The following SLC35F1 variants were observed in gnomAD, a reference collection of about 807,000 sequenced individuals.
SLC35F1 encodes the protein chromosome 6 open reading frame 169.
SLC35F1 carries 14 observed loss-of-function variants against 48.7 expected under a neutral mutation model. That is an observed-to-expected ratio of 0.29 (90% CI 0.19 to 0.45). SLC35F1 has a LOEUF of 0.45. Among genes scored for constraint, SLC35F1 ranks in the 20% least tolerant of loss-of-function variants. The probability of loss-of-function intolerance (pLI) is 1.00; values close to 1 mark genes in which losing one functional copy is unlikely to be tolerated. For synonymous variants in SLC35F1, 190 were observed against 202.2 expected (o/e 0.94, Z 0.51); for missense variants, 404 against 500.0 (o/e 0.81, Z 1.83).
intron 1 of SLC35F1, among the ~76,000 whole-genome samples, chr6:117,968,213 A>T (rs1776595658): frequency 6.6e-6 from 1 of 152,174 alleles, no homozygotes; most frequent in Non-Finnish European, 1.5e-5. Flanking sequence ...GGAAAATAAG[A>T]ACCTCATTTT....
intron 1 of SLC35F1, among the ~76,000 whole-genome samples, chr6:118,110,367 A>G (rs1015116390): frequency 2.0e-5 from 3 of 152,170 alleles, no homozygotes; most frequent in Admixed American, 2.0e-4. Context: ...GGTAGAAACA[A>G]TAAACTGTAA....
At chr6:118,286,081 A>G (rs1776045619) in intron 7 of SLC35F1, among the ~76,000 whole-genome samples, 1 of 152,218 alleles carries the variant, frequency 6.6e-6, no homozygotes, top group South Asian at 2.1e-4. Flanking sequence ...ATATGAGAAG[A>G]TACCACTTGC....
chr6:118,167,204 C>T (rs532263890), intron 2 of SLC35F1, among the ~76,000 whole-genome samples: 3 of 152,162 alleles, frequency 2.0e-5, no homozygotes, highest in South Asian at 2.1e-4. Context: ...AGGAGAGTGA[C>T]GAGTAAAGAG....
intron 2 of SLC35F1, among the ~76,000 whole-genome samples, chr6:118,215,115 G>C (rs373138452): frequency 3.0e-4 from 46 of 152,128 alleles, no homozygotes; most frequent in East Asian, 2.5e-3. Context: ...CCTTGGCTCA[G>C]GCAAAGTGGA....
intron 7 of SLC35F1, among the ~76,000 whole-genome samples, chr6:118,293,163 G>C (rs1425016556): frequency 1.3e-5 from 2 of 152,292 alleles, no homozygotes; most frequent in Middle Eastern, 3.4e-3. Flanking sequence ...AAGGGTGTTA[G>C]TTTCCTATTG....
chr6:118,297,660 A>G (rs1369858461), intron 7 of SLC35F1, among the ~76,000 whole-genome samples: 1 of 132,458 alleles, frequency 7.5e-6, no homozygotes, highest in East Asian at 2.0e-4. Context: ...TATAATATAT[A>G]TAATATTATA....
At chr6:118,287,988 T>C (rs1328179144) in intron 7 of SLC35F1, among the ~76,000 whole-genome samples, 2 of 149,794 alleles carry the variant, frequency 1.3e-5, no homozygotes, top group Non-Finnish European at 3.0e-5. Context: ...TGGATATTTT[T>C]ATTTCATACA....
At chr6:118,270,910 T>A (rs897734988) in intron 4 of SLC35F1, among the ~76,000 whole-genome samples, 1 of 152,166 alleles carries the variant, frequency 6.6e-6, no homozygotes, top group Non-Finnish European at 1.5e-5. Flanking sequence ...TAAAACCTAA[T>A]CAAAATAGCT....
intron 1 of SLC35F1, among the ~76,000 whole-genome samples, chr6:117,910,027 T>C (rs1775742952): frequency 6.6e-6 from 1 of 152,256 alleles, no homozygotes; most frequent in South Asian, 2.1e-4. Flanking sequence ...ATTGAGTAAC[T>C]GGCTTTTCCT....
At chr6:118,230,649 A>C (rs1054003136) in intron 2 of SLC35F1, among the ~76,000 whole-genome samples, 1 of 152,186 alleles carries the variant, frequency 6.6e-6, no homozygotes, top group Non-Finnish European at 1.5e-5. Context: ...CACACATAGA[A>C]ATGTGAACCA....
intron 2 of SLC35F1, among the ~76,000 whole-genome samples, chr6:118,184,251 G>A (rs188491167): frequency 1.3e-5 from 2 of 152,236 alleles, no homozygotes; most frequent in Admixed American, 1.3e-4. Context: ...CAGTGTCCTG[G>A]AAAAACTATC....
At chr6:118,240,726 T>C (rs9489327) in intron 3 of SLC35F1, among the ~76,000 whole-genome samples, 63,049 of 152,008 alleles carry the variant, frequency 0.41, 13,644 homozygotes, top group Middle Eastern at 0.5. Context: ...GAACTGATGG[T>C]GGAACTGAGT....
At chr6:118,164,668 G>T (rs1018630582) in intron 2 of SLC35F1, among the ~76,000 whole-genome samples, 6 of 152,166 alleles carry the variant, frequency 3.9e-5, no homozygotes, top group African/African-American at 1.2e-4. Context: ...ATCAACATTA[G>T]ATTTGCTTAC....
chr6:117,924,987 A>G (rs1043350281), intron 1 of SLC35F1, among the ~76,000 whole-genome samples: 5 of 152,220 alleles, frequency 3.3e-5, no homozygotes, highest in African/African-American at 1.2e-4. Context: ...TCAACTACAC[A>G]TTCAAAAGGA....
At chr6:118,164,575 A>C (rs562372690) in intron 2 of SLC35F1, among the ~76,000 whole-genome samples, 70 of 152,338 alleles carry the variant, frequency 4.6e-4, no homozygotes, top group Non-Finnish European at 5.9e-4. Flanking sequence ...TACAAGTTTC[A>C]TGTGGGTTAA....
chr6:118,167,372 A>G (rs899100549), intron 2 of SLC35F1, among the ~76,000 whole-genome samples: 1 of 152,210 alleles, frequency 6.6e-6, no homozygotes, highest in Admixed American at 6.5e-5. Context: ...TGCAAACATC[A>G]TACAGTGTAC....
intron 1 of SLC35F1, among the ~76,000 whole-genome samples, chr6:117,942,141 C>G (rs1776240883): frequency 6.6e-6 from 1 of 152,090 alleles, no homozygotes; most frequent in Admixed American, 6.6e-5. Flanking sequence ...TGGTACTTAC[C>G]CAGCAGAACC....
At chr6:118,034,242 C>CAAA (rs1772095625) in intron 1 of SLC35F1, among the ~76,000 whole-genome samples, 1 of 151,856 alleles carries the variant, frequency 6.6e-6, no homozygotes, top group African/African-American at 2.4e-5. Context: ...TCTTAGCATA[C>CAAA]AAAAATATGT....
chr6:118,084,989 C>A (rs142362437), intron 1 of SLC35F1, among the ~76,000 whole-genome samples: 47 of 152,220 alleles, frequency 3.1e-4, no homozygotes, highest in African/African-American at 1.1e-3. Flanking sequence ...TATCCTTATT[C>A]TTTGATTTGT....
Sources: allele counts gnomAD v4.1 joint callset (sites outside exome capture counted in the v4.1 genomes callset), GRCh38; gene constraint gnomAD v4.1.1; transcripts MANE v1.5; gene names NCBI Gene and HGNC (gene_info 2026-07-23, HGNC 2026-07-21).